Variants in CC2D1A observed in about 807,000 individuals in gnomAD.
The protein encoded by CC2D1A is coiled-coil and C2 domain-containing protein 1A.
Under a neutral mutation model 123.8 loss-of-function variants are expected in CC2D1A, and 68 were observed. That is an observed-to-expected ratio of 0.55 (90% CI 0.45 to 0.67). The LOEUF is 0.67. Among genes scored for constraint, CC2D1A ranks in the 30% least tolerant of loss-of-function variants. The probability of loss-of-function intolerance (pLI) is 0.00; values close to 1 mark genes in which losing one functional copy is unlikely to be tolerated. For missense variants in CC2D1A, 1,185 were observed against 1,290.3 expected (o/e 0.92, Z 1.25); for synonymous variants, 477 against 528.0 (o/e 0.90, Z 1.32).
chr19:13,915,492 G>A (rs1339736074), intron 6 of CC2D1A, among the ~76,000 whole-genome samples: 3 of 152,044 alleles, frequency 2.0e-5, no homozygotes, highest in South Asian at 2.1e-4. Flanking sequence ...CAGGTGATCC[G>A]CCTGCTCCGC....
At chr19:13,907,085 A>G (rs1256613997) in intron 1 of CC2D1A, among the ~76,000 whole-genome samples, 1 of 152,176 alleles carries the variant, frequency 6.6e-6, no homozygotes, top group Non-Finnish European at 1.5e-5. Flanking sequence ...TGGCCTCTGT[A>G]CATCGGACAC....
chr19:13,923,708 G>A lies in CC2D1A; in HGVS notation c.1837G>A (p.Ala613Thr). Residue 613 changes from alanine to threonine, a missense_variant, in exon 17 of 29, where the codon GCG becomes ACG. Coordinates refer to ENST00000318003, the MANE Select transcript of CC2D1A (RefSeq NM_017721.5). The surrounding 1 kb of genome is among the most constrained non-coding windows in gnomAD (Gnocchi z 5.3). ...ITETTKFEKLAEDCKRSMDIL... is the reference protein window; with the variant it reads ...ITETTKFEKLTEDCKRSMDIL... ...TCCCACCGGCAGGTTTGAAAAGTTGGCGGAGGACTGTAAGCGGAGCATGGA... is the reference window on the plus strand; with the variant it reads ...TCCCACCGGCAGGTTTGAAAAGTTGACGGAGGACTGTAAGCGGAGCATGGA... The A allele has an allele frequency of 6.2e-7, 1 of 1,614,214 alleles. No individual in the cohort carries two copies. Among genetic ancestry groups the A allele is most frequent in the Non-Finnish European group, 8.5e-7 (1 of 1,180,022 alleles).
At chr19:13,924,876 G>T (rs1347352280) in intron 17 of CC2D1A, among the ~76,000 whole-genome samples, 1 of 152,060 alleles carries the variant, frequency 6.6e-6, no homozygotes, top group South Asian at 2.1e-4. Flanking sequence ...ACACAGCCTG[G>T]CTCCTTGTCA....
Position 13,906,453 on chromosome 19 carries a change from G to T in CC2D1A, c.12G>T (p.Arg4Ser). 6.6e-7 allele frequency: 1 copy of T among 1,517,324 alleles called. No individual in the cohort carries two copies. The highest frequency in any genetic ancestry group is 8.8e-7 in the Non-Finnish European group (1 of 1,133,870). The allele number at this position is 1,517,324 out of a possible 1,614,324, so 94.0% of individuals were successfully genotyped here. The change falls in exon 1 of 29, where the codon AGG (arginine) becomes AGT (serine). Residue 4 changes from arginine to serine, a missense_variant. Coordinates refer to ENST00000318003, the MANE Select transcript of CC2D1A (RefSeq NM_017721.5). This position sits in a 1 kb window ranked among gnomAD's most constrained non-coding sequence, Gnocchi z 4.1. ...ATCCAGCCTTGAAGATGCACAAGAG[G>T]AAAGGACCCCCGGGACCCCCGGGCA... MHKRKGPPGPPGRG... is the reference protein window; with the variant it reads MHKSKGPPGPPGRG...
rs779910927 is a variant in CC2D1A, at chr19:13,913,469, G to A, written c.579G>A (p.Pro193=). The A allele has an allele frequency of 6.8e-6, 11 of 1,614,076 alleles. No homozygotes were observed. The Admixed American group carries it at 1.3e-4, about 20-fold the overall frequency. ...CCATTGACGAAGCGGACATCCCGCC[G>A]CCAGTGGCCATAGGAAAAGGCCCGG... is the stretch of plus-strand genomic sequence containing the variant. ...GNAIDEADIP[P]PVAIGKGPAS... Residue 193 remains proline (P), a synonymous_variant, in exon 6 of 29, where the codon CCG becomes CCA. Transcript: ENST00000318003.
Position 13,918,214 on chromosome 19 carries a change from C to T in CC2D1A, c.873+20C>T. On this transcript the variant is annotated intron_variant, in intron 7 of 28. Transcript: ENST00000318003. Reference sequence around the variant, plus strand: ...GCTAAGGTGCGTCCAGCCTGACGGACAGGACTGGAGGGATGGGGCAGGATG... The same window carrying T: ...GCTAAGGTGCGTCCAGCCTGACGGATAGGACTGGAGGGATGGGGCAGGATG... 1 of 1,547,402 alleles carries T rather than the reference C, an allele frequency of 6.5e-7. No individual in the cohort carries two copies. Among genetic ancestry groups the T allele is most frequent in the Non-Finnish European group, 8.7e-7 (1 of 1,145,266 alleles).
In CC2D1A at chr19:13,919,181, G is replaced by C. The variant is rs1971317288; in HGVS notation, c.1201G>C (p.Ala401Pro). 6.2e-7 allele frequency: 1 copy of C among 1,612,754 alleles called. No homozygotes were observed. The highest frequency in any genetic ancestry group is 8.5e-7 in the Non-Finnish European group (1 of 1,179,454). The part of the protein sequence containing the change: ...AHKAGRAVDV[A>P]ELPVPPGFPP... ...CAAGGCTGGCCGAGCCGTGGATGTC[G>C]CTGAATTGCCCGTGCCCCCAGGTAG... Residue 401 changes from alanine to proline, a missense_variant, in exon 11 of 29, where the codon GCT (alanine) becomes CCT (proline). Coordinates refer to ENST00000318003, the MANE Select transcript of CC2D1A (RefSeq NM_017721.5).
At chr19:13,913,142 C>A in intron 4 of CC2D1A, 26 bp from the exon 5 acceptor site, 2 of 1,579,872 alleles carry the variant, frequency 1.3e-6, no homozygotes, top group South Asian at 1.2e-5. Context: ...GGTCACCACC[C>A]ACACTGTGCC....
chr19:13,910,925 G>A (rs1970977223), intron 2 of CC2D1A, among the ~76,000 whole-genome samples: 2 of 144,154 alleles, frequency 1.4e-5, no homozygotes, highest in South Asian at 4.5e-4. Context: ...AAACAAAAAA[G>A]AGAGAAGCTT....
chr19:13,913,935 G>A (rs1010229360), intron 6 of CC2D1A, among the ~76,000 whole-genome samples: 4 of 152,218 alleles, frequency 2.6e-5, no homozygotes, highest in Non-Finnish European at 4.4e-5. Context: ...AGGCTGGAGC[G>A]CAGTGGCACG....
At chr19:13,918,856 A>C (rs1971301637) in intron 9 of CC2D1A, 39 bp downstream of exon 9, 1 of 1,610,432 alleles carries the variant, frequency 6.2e-7, no homozygotes, top group Admixed American at 1.7e-5. Context: ...GGCAGGCTGG[A>C]GCCAGACTGT....
chr19:13,908,723 C>G (rs1970885073), intron 1 of CC2D1A, among the ~76,000 whole-genome samples: 1 of 152,200 alleles, frequency 6.6e-6, no homozygotes, highest in African/African-American at 2.4e-5. Flanking sequence ...CCGCATGCAG[C>G]CATCATGCTC....
intron 14 of CC2D1A, among the ~76,000 whole-genome samples, chr19:13,921,801 A>G (rs1971421673): frequency 6.6e-6 from 1 of 152,154 alleles, no homozygotes; most frequent in African/African-American, 2.4e-5. Flanking sequence ...GCTACTTGGG[A>G]GGCTGAGGTG....
chr19:13,909,869 A>C lies in CC2D1A; in HGVS notation c.107A>C (p.Glu36Ala), dbSNP rs1001445501. Residue 36 changes from glutamate to alanine, a missense_variant, in exon 2 of 29, where the codon GAG becomes GCG. Physicochemically the swap from Glu to Ala is moderately radical, Grantham distance 107. Coordinates refer to ENST00000318003, the MANE Select transcript of CC2D1A (RefSeq NM_017721.5). ...TCCCCAGATGGCCTGATGATCCCTG[A>C]GGACGGGGCTAACGATGAAGAACTG... is the stretch of plus-strand genomic sequence containing the variant. ...DLSPDGLMIP[E>A]DGANDEELEA... 1 of 1,577,754 alleles carries C rather than the reference A, an allele frequency of 6.3e-7. No homozygotes were observed. The highest frequency in any genetic ancestry group is 8.6e-7 in the Non-Finnish European group (1 of 1,159,368).
chr19:13,913,338 G>A lies in CC2D1A; in HGVS notation c.513+36G>A, dbSNP rs760879563. ...AGAGGGCAGGGTACAGGGACCCCCC[G>A]CCAACCCCGATGCCCTGCACCAAGC... On this transcript the variant is annotated intron_variant, in intron 5 of 28. Transcript: ENST00000318003. 16 of 1,605,588 alleles carry A rather than the reference G, an allele frequency of 1.0e-5. No homozygotes were observed. The Middle Eastern group carries it at 6.6e-4, about 67-fold the overall frequency.
chr19:13,927,691 T>C, intron 22 of CC2D1A: 2 of 597,186 alleles, frequency 3.3e-6, no homozygotes, highest in South Asian at 2.1e-5. Flanking sequence ...GGCAGGAGAA[T>C]GGCGTAAGTA....
Position 13,928,018 on chromosome 19 carries a change from A to G in CC2D1A, c.2442A>G (p.Ala814=). 6.2e-7 allele frequency: 1 copy of G among 1,613,626 alleles called. No individual in the cohort carries two copies. Among genetic ancestry groups the G allele is most frequent in the African/African-American group, 1.3e-5 (1 of 74,970 alleles). Residue 814 remains alanine, a synonymous_variant, in exon 23 of 29, where the codon GCA becomes GCG. Coordinates refer to ENST00000318003, the MANE Select transcript of CC2D1A (RefSeq NM_017721.5). ...ERWLVIDPVP[A]AVPTQVAGPK... ...GGCTGGTCATTGACCCTGTGCCGGC[A>G]GCTGTGCCCACAGTGAGACCCCCCA...
At chr19:13,911,778 C>T (rs1233102168) in intron 2 of CC2D1A, among the ~76,000 whole-genome samples, 1 of 143,290 alleles carries the variant, frequency 7.0e-6, no homozygotes, top group African/African-American at 2.7e-5. Context: ...TACAGTGGCG[C>T]GATCTTGGCT....
At chr19:13,917,954 G>T (rs1971266139) in intron 6 of CC2D1A, 116 bp from the exon 7 acceptor site, 30 of 1,146,926 alleles carry the variant, frequency 2.6e-5, no homozygotes, top group Non-Finnish European at 3.2e-5. Flanking sequence ...ATGGGCAACA[G>T]AGTGAGGCTC....
Sources: allele counts gnomAD v4.1 joint callset (sites outside exome capture counted in the v4.1 genomes callset), GRCh38; gene constraint gnomAD v4.1.1; non-coding constraint Gnocchi (gnomAD v3.1); transcripts MANE v1.5; gene names NCBI Gene and HGNC (gene_info 2026-07-23, HGNC 2026-07-21).